MLLT3: variants seen among roughly 807,000 people sequenced by gnomAD.
The protein encoded by MLLT3 is MLLT3 super elongation complex subunit.
Under a neutral mutation model 53.2 loss-of-function variants are expected in MLLT3, and 4 were observed. That is an observed-to-expected ratio of 0.08 (90% CI 0.04 to 0.17). The LOEUF is 0.17. Ranked by LOEUF, MLLT3 falls within the 10% of genes least tolerant of loss-of-function variation. The pLI is 1.00. For synonymous variants in MLLT3, 283 were observed against 230.6 expected (o/e 1.23, Z -2.06); for missense variants, 569 against 684.0 (o/e 0.83, Z 1.87).
chr9:20,411,038 A>T (rs1157033367), intron 5 of MLLT3: 1 of 152,228 alleles, frequency 6.6e-6, no homozygotes, highest in Non-Finnish European at 1.5e-5. Flanking sequence ...CCTTAGAGAG[A>T]TCAGGTCATC....
intron 2 of MLLT3, among the ~76,000 whole-genome samples, chr9:20,546,495 G>A (rs892158059): frequency 6.6e-6 from 1 of 150,716 alleles, no homozygotes; most frequent in Non-Finnish European, 1.5e-5. Context: ...AGTGAGCTCT[G>A]ATCACACCAC....
chr9:20,396,106 AC>A (rs1322309701), intron 5 of MLLT3, among the ~76,000 whole-genome samples: 1 of 152,192 alleles, frequency 6.6e-6, no homozygotes, highest in Non-Finnish European at 1.5e-5. Context: ...CACCTCATGA[AC>A]AGAAACTATC....
intron 5 of MLLT3, among the ~76,000 whole-genome samples, chr9:20,383,054 T>C (rs1171615184): frequency 6.6e-6 from 1 of 151,850 alleles, no homozygotes; most frequent in African/African-American, 2.4e-5. Flanking sequence ...TTTAAGCCCC[T>C]ACTCATAATT....
At chr9:20,593,596 G>C (rs1195433451) in intron 2 of MLLT3, among the ~76,000 whole-genome samples, 2 of 152,178 alleles carry the variant, frequency 1.3e-5, no homozygotes, top group Admixed American at 6.5e-5. Flanking sequence ...TGGTACATCT[G>C]TTATTAGATT....
chr9:20,512,246 T>G (rs557199835), intron 2 of MLLT3, among the ~76,000 whole-genome samples: 25 of 152,304 alleles, frequency 1.6e-4, no homozygotes, highest in Admixed American at 3.9e-4. Context: ...GAAATTCCAT[T>G]AGCAATCATA....
intron 2 of MLLT3, among the ~76,000 whole-genome samples, chr9:20,485,969 GAAT>G (rs1289491226): frequency 1.3e-5 from 2 of 152,182 alleles, no homozygotes; most frequent in African/African-American, 4.8e-5. Context: ...AGCACTTCTT[GAAT>G]AATGTCTAAA....
intron 5 of MLLT3, among the ~76,000 whole-genome samples, chr9:20,388,699 C>G (rs2118715516): frequency 6.6e-6 from 1 of 151,950 alleles, no homozygotes; most frequent in East Asian, 1.9e-4. Flanking sequence ...ACCATGATTC[C>G]AAAAGATGGG....
intron 2 of MLLT3, among the ~76,000 whole-genome samples, chr9:20,539,809 T>C (rs539076897): frequency 5.5e-4 from 84 of 152,258 alleles, no homozygotes; most frequent in African/African-American, 1.8e-3. Flanking sequence ...TCTTAACTCA[T>C]TCCAGCATTA....
intron 2 of MLLT3, among the ~76,000 whole-genome samples, chr9:20,603,351 T>C (rs950096100): frequency 6.6e-6 from 1 of 152,024 alleles, no homozygotes; most frequent in Non-Finnish European, 1.5e-5. Flanking sequence ...ACCTCTTAGG[T>C]CAAATCTGGC....
intron 2 of MLLT3, among the ~76,000 whole-genome samples, chr9:20,548,807 C>A (rs560861555): frequency 9.3e-5 from 14 of 151,072 alleles, no homozygotes; most frequent in Non-Finnish European, 1.8e-4. Flanking sequence ...TACCAAAACA[C>A]ATATTTTGCT....
intron 1 of MLLT3, 89 bp downstream of exon 1, chr9:20,622,156 G>T (rs575873911): frequency 4.3e-6 from 6 of 1,406,620 alleles, no homozygotes; most frequent in Admixed American, 3.7e-5. Flanking sequence ...TTGGAACCGC[G>T]GAGCGCTGGC....
At position 20,344,326 on chromosome 9, in the gene MLLT3, TATTAAA is replaced by T. The variant is rs1820811213; in HGVS notation, c.*2111_*2116del. 5.0e-6 allele frequency: 1 copy of T among 200,904 alleles called. No homozygotes were observed. Among genetic ancestry groups the T allele is most frequent in the Admixed American group, 6.0e-5 (1 of 16,680 alleles). The allele number at this position is 200,904 out of a possible 1,614,324, so 12.4% of individuals were successfully genotyped here. On this transcript the variant is annotated 3_prime_UTR_variant, in exon 11 of 11. Coordinates refer to ENST00000380338, the MANE Select transcript of MLLT3 (RefSeq NM_004529.4). ...CGTTTCTAGTTAAACTACACAGATA[TATTAAA>T]TCACATAAACTTCTGGCTTGATCAG... is the stretch of plus-strand genomic sequence containing the variant.
intron 2 of MLLT3, among the ~76,000 whole-genome samples, chr9:20,614,715 A>G (rs1239410658): frequency 6.6e-6 from 1 of 152,218 alleles, no homozygotes; most frequent in Non-Finnish European, 1.5e-5. Context: ...AAATTGTGCC[A>G]TGTAATTTCC....
In MLLT3 at chr9:20,396,627, C is replaced by T. The variant is rs575584103; in HGVS notation, c.1125+17094G>A. Among the ~76,000 whole-genome samples, 66 of 152,196 alleles carry T rather than the reference C, an allele frequency of 4.3e-4. 1 individual carries two copies. Among genetic ancestry groups the T allele is most frequent in the African/African-American group, 1.5e-3 (64 of 41,538 alleles). ...AAAGTGCTATGGTTCCAAGCAGATT[C>T]CTGCACCACCTGGCATATATTTACA... On this transcript the variant is annotated intron_variant, in intron 5 of 10. Transcript: ENST00000380338.
intron 5 of MLLT3, among the ~76,000 whole-genome samples, chr9:20,404,962 C>T (rs1176072766): frequency 6.6e-6 from 1 of 152,004 alleles, no homozygotes; most frequent in Non-Finnish European, 1.5e-5. Flanking sequence ...ATGAGCGCAA[C>T]CTTTATTTAT....
At chr9:20,351,113 G>C (rs1367463575) in intron 10 of MLLT3, among the ~76,000 whole-genome samples, 2 of 152,218 alleles carry the variant, frequency 1.3e-5, no homozygotes, top group African/African-American at 4.8e-5. Context: ...GGGGTGCTGA[G>C]ATATGACAAG....
At chr9:20,397,384 C>G (rs150259393) in intron 5 of MLLT3, among the ~76,000 whole-genome samples, 1 of 152,174 alleles carries the variant, frequency 6.6e-6, no homozygotes, top group East Asian at 1.9e-4. Context: ...CTTTTGGGAG[C>G]AGAAGTACAC....
rs187966681 is a variant in MLLT3, at chr9:20,419,836, T to C, written c.421-5411A>G. Among the ~76,000 whole-genome samples the C allele has an allele frequency of 4.6e-5, 7 of 152,284 alleles. No homozygotes were observed. In the East Asian group the frequency reaches 1.2e-3, roughly 25 times the overall value. ...CAATAACTGAACCAGAAACGTTTTA[T>C]GTGTGGGAAGGGAAGAAATGAGGGG... On this transcript the variant is annotated intron_variant, in intron 4 of 10. Transcript: ENST00000380338.
chr9:20,537,557 G>A (rs1818519556), intron 2 of MLLT3, among the ~76,000 whole-genome samples: 2 of 152,160 alleles, frequency 1.3e-5, no homozygotes, highest in Non-Finnish European at 1.5e-5. Context: ...AGAAGCGGGG[G>A]TGAGGGAGTC....
Sources: allele counts gnomAD v4.1 joint callset (sites outside exome capture counted in the v4.1 genomes callset), GRCh38; gene constraint gnomAD v4.1.1; transcripts MANE v1.5; gene names NCBI Gene and HGNC (gene_info 2026-07-23, HGNC 2026-07-21).